Variants in PNKD observed in about 807,000 individuals in gnomAD.
The protein encoded by PNKD is PNKD metallo-beta-lactamase domain containing, also known as probable thioesterase PNKD.
A neutral mutation model predicts 45.3 loss-of-function variants in PNKD; 36 were observed. The observed-to-expected ratio is 0.80, with a 90% CI of 0.61 to 1.05. The LOEUF is 1.05. Ranked by LOEUF, PNKD falls within the 50% of genes least tolerant of loss-of-function variation. The pLI, the probability that PNKD is intolerant of heterozygous loss-of-function variation, is 0.00. For synonymous variants in PNKD, 197 were observed against 210.1 expected (o/e 0.94, Z 0.54); for missense variants, 511 against 506.6 (o/e 1.01, Z -0.08).
chr2:218,275,955 T>TCATGCCC, intron 2 of PNKD: 1 of 1,536,350 alleles, frequency 6.5e-7, no homozygotes, highest in Non-Finnish European at 8.9e-7. Context: ...CAGTCTAAAT[T>TCATGCCC]CATGCCCCCT....
chr2:218,310,565 T>G (rs186601505), intron 2 of PNKD, among the ~76,000 whole-genome samples: 75 of 149,532 alleles, frequency 5.0e-4, no homozygotes, highest in African/African-American at 1.7e-3. Flanking sequence ...TGTATAACAA[T>G]GGTCCCATGA....
At chr2:218,320,454 A>G (rs1275298227) in intron 2 of PNKD, among the ~76,000 whole-genome samples, 1 of 152,176 alleles carries the variant, frequency 6.6e-6, no homozygotes, top group East Asian at 1.9e-4. Context: ...TGGAGTCCCA[A>G]CTACCGAGGA....
At chr2:218,283,603 CCAGAGGCTCT>C (rs1692239886) in intron 2 of PNKD, among the ~76,000 whole-genome samples, 1 of 152,180 alleles carries the variant, frequency 6.6e-6, no homozygotes, top group Admixed American at 6.5e-5. Flanking sequence ...TCAGCAGACA[CCAGAGGCTCT>C]CAGAGGCTCT....
At chr2:218,272,613 A>G in intron 2 of PNKD, 1 of 1,614,016 alleles carries the variant, frequency 6.2e-7, no homozygotes, top group East Asian at 2.2e-5. Flanking sequence ...CATCCTCACC[A>G]AGCGGGAAGT....
intron 2 of PNKD, chr2:218,282,200 A>C: frequency 1.8e-5 from 24 of 1,336,918 alleles, no homozygotes; most frequent in East Asian, 2.8e-5. Context: ...GGAGAGGAGA[A>C]AAGCAATCGT....
At chr2:218,309,065 C>A (rs1693513855) in intron 2 of PNKD, among the ~76,000 whole-genome samples, 2 of 151,912 alleles carry the variant, frequency 1.3e-5, no homozygotes, top group Non-Finnish European at 1.5e-5. Context: ...CATAGTGAGA[C>A]CCTGTCTCTA....
At chr2:218,271,610 T>A in intron 2 of PNKD, 61 bp downstream of exon 2, 1 of 1,457,978 alleles carries the variant, frequency 6.9e-7, no homozygotes, top group East Asian at 2.3e-5. Context: ...AGGGCAGGAC[T>A]TAGAAACTTC....
At chr2:218,310,543 C>T (rs115740847) in intron 2 of PNKD, among the ~76,000 whole-genome samples, 75 of 149,244 alleles carry the variant, frequency 5.0e-4, no homozygotes, top group African/African-American at 1.8e-3. Flanking sequence ...GTTTTAATAG[C>T]GAAGGACCAC....
At position 218,340,551 on chromosome 2, in the gene PNKD, C is replaced by G. The variant is rs1694641814; in HGVS notation, c.466-177C>G. 6.6e-6 allele frequency among the ~76,000 whole-genome samples: 1 copy of G among 152,090 alleles called. No homozygotes were observed. The highest frequency in any genetic ancestry group is 2.4e-5 in the African/African-American group (1 of 41,378). On this transcript the variant is annotated intron_variant, in intron 4 of 9. Transcript: ENST00000273077. This position sits in a 1 kb window ranked among gnomAD's most constrained non-coding sequence, Gnocchi z 4.2. ...TCTATGTACAAGTGTCCCTCTGCCT[C>G]CATGTGCCCCGTGCTTCACATTCCT...
chr2:218,277,245 T>C, intron 2 of PNKD: 1 of 1,163,754 alleles, frequency 8.6e-7, no homozygotes, highest in Non-Finnish European at 1.3e-6. Context: ...GGACACAGTT[T>C]TGTAGGTGCG....
intron 2 of PNKD, chr2:218,289,819 T>C (rs1692818246): frequency 6.6e-6 from 1 of 152,086 alleles, no homozygotes. Context: ...ATGTTCTCAG[T>C]ATGGGGCTGT....
rs1694625291 is a variant in PNKD at position 218,340,019 on chromosome 2, C to T, written c.353-10C>T. ...CTGTTACCCCGCCCACAGCCCATCT[C>T]TGTCCCCAGGAGTGAAGGTGCTTCC... On this transcript the variant is annotated splice_polypyrimidine_tract_variant and intron_variant, in intron 3 of 9. Transcript: ENST00000273077. The surrounding 1 kb of genome is among the most constrained non-coding windows in gnomAD (Gnocchi z 4.2). The T allele has an allele frequency of 6.3e-7, 1 of 1,593,504 alleles. No homozygotes were observed. Among genetic ancestry groups the T allele is most frequent in the Non-Finnish European group, 8.6e-7 (1 of 1,161,240 alleles).
At chr2:218,270,727 G>T (rs1337211014) in intron 1 of PNKD, 125 bp downstream of exon 1, 2 of 423,998 alleles carry the variant, frequency 4.7e-6, no homozygotes, top group Non-Finnish European at 8.6e-6. Flanking sequence ...AGATCTTAGA[G>T]TCTGGGGGTG....
In PNKD at chr2:218,332,250, C is replaced by T. The variant is rs77135590; in HGVS notation, c.237-7533C>T. On this transcript the variant is annotated intron_variant, in intron 2 of 9. Transcript: ENST00000273077. Reference sequence around the variant, plus strand: ...CCTAGGTGAGTTTCCAGGGCCTGTTCTCACAGGTGAGGCTGCGCTGGGGGC... The same window carrying T: ...CCTAGGTGAGTTTCCAGGGCCTGTTTTCACAGGTGAGGCTGCGCTGGGGGC... Among the ~76,000 whole-genome samples, 262 of 152,286 alleles carry T rather than the reference C, an allele frequency of 1.7e-3. 2 individuals are homozygous for T. The East Asian group carries it at 0.037, about 21-fold the overall frequency.
In PNKD at chr2:218,291,386, C is replaced by G. The variant is rs749603428; in HGVS notation, c.236+19837C>G. On this transcript the variant is annotated intron_variant, in intron 2 of 9. Coordinates refer to ENST00000273077, the MANE Select transcript of PNKD (RefSeq NM_015488.5). ...AAGCAGCCCCAGGAGGCACCTGGCT[C>G]CCCTGCCACCACTGGCCAGCCCAAA... Among the ~76,000 whole-genome samples, 3 of 152,320 alleles carry G rather than the reference C, an allele frequency of 2.0e-5. No individual in the cohort carries two copies. In the South Asian group the frequency reaches 6.2e-4, roughly 32 times the overall value.
At chr2:218,280,157 G>A (rs2106203956) in intron 2 of PNKD, 1 of 1,520,870 alleles carries the variant, frequency 6.6e-7, no homozygotes, top group Middle Eastern at 1.7e-4. Context: ...ACTCAGCTGG[G>A]GACCTGAGAC....
At chr2:218,288,648 G>A (rs552332940) in intron 2 of PNKD, among the ~76,000 whole-genome samples, 5 of 152,214 alleles carry the variant, frequency 3.3e-5, no homozygotes, top group East Asian at 1.9e-4. Context: ...GATTAGGGAC[G>A]CTCAACCAGT....
chr2:218,284,532 G>A (rs997237164), intron 2 of PNKD, among the ~76,000 whole-genome samples: 3 of 152,336 alleles, frequency 2.0e-5, no homozygotes, highest in Admixed American at 2.0e-4. Flanking sequence ...CAGCTCAGCG[G>A]GTGCTGACTC....
chr2:218,303,238 A>G (rs1036290482), intron 2 of PNKD, among the ~76,000 whole-genome samples: 1 of 152,046 alleles, frequency 6.6e-6, no homozygotes, highest in African/African-American at 2.4e-5. Context: ...GTGAGCCACC[A>G]GCCCAGCCCT....
Sources: allele counts gnomAD v4.1 joint callset (sites outside exome capture counted in the v4.1 genomes callset), GRCh38; gene constraint gnomAD v4.1.1; non-coding constraint Gnocchi (gnomAD v3.1); transcripts MANE v1.5; gene names NCBI Gene and HGNC (gene_info 2026-07-23, HGNC 2026-07-21).